SLC39A11: variants seen among roughly 807,000 people sequenced by gnomAD.
SLC39A11 encodes the protein zinc transporter ZIP11.
SLC39A11 carries 33 observed loss-of-function variants against 36.1 expected under a neutral mutation model. The observed-to-expected ratio is 0.91, with a 90% CI of 0.69 to 1.22. SLC39A11 has a LOEUF of 1.22. Among genes scored for constraint, SLC39A11 ranks in the 50% most tolerant of loss-of-function variants. The pLI is 0.00. For synonymous variants in SLC39A11, 166 were observed against 170.3 expected, an observed-to-expected ratio of 0.97 and a Z score of 0.20; for missense variants, 432 against 430.3, an observed-to-expected ratio of 1.00 and a Z score of -0.03.
chr17:72,802,191 C>T (rs2077109299), intron 6 of SLC39A11, among the ~76,000 whole-genome samples: 1 of 152,142 alleles, frequency 6.6e-6, no homozygotes, highest in Admixed American at 6.5e-5. Context: ...CGTTTCTTGG[C>T]AATGAAATAT....
At chr17:73,055,372 G>A (rs777978899) in intron 3 of SLC39A11, among the ~76,000 whole-genome samples, 2 of 152,036 alleles carry the variant, frequency 1.3e-5, no homozygotes, top group African/African-American at 2.4e-5. Flanking sequence ...AGTCTCACCC[G>A]GCAACTGCAA....
At chr17:73,049,298 A>G (rs2059419376) in intron 3 of SLC39A11, among the ~76,000 whole-genome samples, 1 of 152,220 alleles carries the variant, frequency 6.6e-6, no homozygotes, top group Admixed American at 6.5e-5. Context: ...GGCTGCACAG[A>G]GCGCTATGCG....
At chr17:72,991,447 T>A (rs560800847) in intron 4 of SLC39A11, among the ~76,000 whole-genome samples, 1 of 151,980 alleles carries the variant, frequency 6.6e-6, no homozygotes, top group East Asian at 1.9e-4. Flanking sequence ...AACCTCCACC[T>A]CCCGGGTTGA....
At chr17:72,899,288 G>A (rs2082193887) in intron 5 of SLC39A11, among the ~76,000 whole-genome samples, 1 of 150,526 alleles carries the variant, frequency 6.6e-6, no homozygotes, top group Admixed American at 6.6e-5. Flanking sequence ...TGGAAATACA[G>A]GGTAAGAAAA....
intron 6 of SLC39A11, among the ~76,000 whole-genome samples, chr17:72,737,573 G>A (rs922949465): frequency 2.0e-5 from 3 of 152,188 alleles, no homozygotes; most frequent in Non-Finnish European, 4.4e-5. Flanking sequence ...AGACATAGGT[G>A]TCTTTAGTTT....
At chr17:72,981,510 CTTTTTATACCAAAATAGATTA>C (rs1031577823) in intron 4 of SLC39A11, among the ~76,000 whole-genome samples, 5 of 148,710 alleles carry the variant, frequency 3.4e-5, no homozygotes, top group African/African-American at 1.2e-4. Context: ...CTCTATCTCA[CTTTTTATACCAAAATAGATTA>C]TTTTAATCCC....
intron 7 of SLC39A11, among the ~76,000 whole-genome samples, chr17:72,706,932 G>A (rs2714023): frequency 0.33 from 49,622 of 152,082 alleles, 8,255 homozygotes; most frequent in Admixed American, 0.4. Flanking sequence ...GTGTAGTCAA[G>A]GTTTAGAACC....
At chr17:72,652,529 G>C (rs114731092) in intron 7 of SLC39A11, among the ~76,000 whole-genome samples, 1,641 of 152,252 alleles carry the variant, frequency 0.011, 38 homozygotes, top group African/African-American at 0.038. Context: ...CAGTAAGCAC[G>C]TAATCAATGC....
chr17:72,909,254 G>C (rs1385901807), intron 5 of SLC39A11, among the ~76,000 whole-genome samples: 2 of 152,212 alleles, frequency 1.3e-5, no homozygotes, highest in Non-Finnish European at 2.9e-5. Context: ...ACAGGCGTCA[G>C]CCATTGCATC....
chr17:72,932,622 T>C (rs2084486290), intron 5 of SLC39A11, among the ~76,000 whole-genome samples: 1 of 152,042 alleles, frequency 6.6e-6, no homozygotes. Flanking sequence ...AAGTTTCCAA[T>C]ATGGGCATCA....
At chr17:73,068,091 T>C (rs1409378761) in intron 3 of SLC39A11, 3 of 1,435,806 alleles carry the variant, frequency 2.1e-6, no homozygotes, top group Non-Finnish European at 2.9e-6. Flanking sequence ...GTTTTCATAA[T>C]AGGAGTATCT....
chr17:73,031,486 T>A, intron 4 of SLC39A11, 70 bp downstream of exon 4: 2 of 1,545,360 alleles, frequency 1.3e-6, no homozygotes, highest in South Asian at 2.3e-5. Context: ...TCAGGTTTGA[T>A]CAGAAATAAA....
rs533532091 is a variant in SLC39A11, at chr17:72,725,120, G to A, written c.671+11530C>T. On this transcript the variant is annotated intron_variant, in intron 7 of 9. Transcript: ENST00000255559. ...ACTTTCTTCACTTCCCAGAACGCATGCAATAAATAACATTATGTTTTTAAG... is the reference window on the plus strand; with the variant it reads ...ACTTTCTTCACTTCCCAGAACGCATACAATAAATAACATTATGTTTTTAAG... 4.6e-5 allele frequency among the ~76,000 whole-genome samples: 7 copies of A among 152,300 alleles called. No homozygotes were observed. The South Asian group carries it at 1.5e-3, about 32-fold the overall frequency.
intron 6 of SLC39A11, among the ~76,000 whole-genome samples, chr17:72,767,729 A>G (rs1266946053): frequency 6.6e-6 from 1 of 152,228 alleles, no homozygotes; most frequent in African/African-American, 2.4e-5. Context: ...ACCAAAGTGA[A>G]TGCTTAGCAC....
At chr17:73,009,064 A>G (rs1275211711) in intron 4 of SLC39A11, among the ~76,000 whole-genome samples, 1 of 150,632 alleles carries the variant, frequency 6.6e-6, no homozygotes, top group African/African-American at 2.4e-5. Context: ...GCCTCAAAAA[A>G]AAAAAAAAAA....
At chr17:72,811,411 A>G (rs113665323) in intron 6 of SLC39A11, among the ~76,000 whole-genome samples, 4,335 of 152,324 alleles carry the variant, frequency 0.028, 212 homozygotes, top group African/African-American at 0.099. Flanking sequence ...CATTCAGGCC[A>G]TGGCAATCAC....
chr17:72,790,521 TTCTC>T (rs111306907), intron 6 of SLC39A11, among the ~76,000 whole-genome samples: 39 of 151,278 alleles, frequency 2.6e-4, no homozygotes, highest in East Asian at 7.8e-4. Flanking sequence ...AACAATGAAT[TTCTC>T]TCTCTCTCTC....
At chr17:73,051,934 A>G in intron 3 of SLC39A11, among the ~76,000 whole-genome samples, 1 of 151,248 alleles carries the variant, frequency 6.6e-6, no homozygotes. Context: ...AAATCAAAGA[A>G]AATGTATCAT....
chr17:72,772,128 G>A (rs1469382944), intron 6 of SLC39A11, among the ~76,000 whole-genome samples: 1 of 152,172 alleles, frequency 6.6e-6, no homozygotes, highest in African/African-American at 2.4e-5. Context: ...GACAACAGGA[G>A]AGGCTGGCCC....
Sources: allele counts gnomAD v4.1 joint callset (sites outside exome capture counted in the v4.1 genomes callset), GRCh38; gene constraint gnomAD v4.1.1; transcripts MANE v1.5; gene names NCBI Gene and HGNC (gene_info 2026-07-23, HGNC 2026-07-21).